The following BANP variants were observed in gnomAD, a reference collection of about 807,000 sequenced individuals.
The protein encoded by BANP is protein BANP.
BANP carries 11 observed loss-of-function variants against 68.1 expected under a neutral mutation model. That is an observed-to-expected ratio of 0.16 (90% CI 0.10 to 0.27). The LOEUF (loss-of-function observed/expected upper bound fraction) is 0.27. BANP is among the 10% of genes least tolerant of loss of function. BANP has a pLI of 1.00. For missense variants in BANP, 504 were observed against 722.7 expected, an observed-to-expected ratio of 0.70 and a Z score of 3.47; for synonymous variants, 329 against 303.2, an observed-to-expected ratio of 1.09 and a Z score of -0.88.
intron 7 of BANP, among the ~76,000 whole-genome samples, chr16:88,019,053 G>C (rs1241082646): frequency 6.6e-6 from 1 of 152,164 alleles, no homozygotes; most frequent in Non-Finnish European, 1.5e-5. Flanking sequence ...TCCTAAGCGG[G>C]TGGAGTGCCA....
chr16:87,975,644 ATGT>A, intron 2 of BANP, among the ~76,000 whole-genome samples: 1 of 143,950 alleles, frequency 6.9e-6, no homozygotes, highest in South Asian at 2.2e-4. Context: ...GATCCTTACC[ATGT>A]TGTGTGTGTA....
chr16:88,049,399 C>G (rs902357650), intron 11 of BANP, among the ~76,000 whole-genome samples: 1 of 152,190 alleles, frequency 6.6e-6, no homozygotes, highest in African/African-American at 2.4e-5. Context: ...CAGGCCTTCC[C>G]TGGGCACCAT....
rs766392523 is a variant in BANP, at chr16:87,981,104, A to G, written c.139A>G (p.Asn47Asp). 1 of 1,614,048 alleles carries G rather than the reference A, an allele frequency of 6.2e-7. No individual in the cohort carries two copies. The highest frequency in any genetic ancestry group is 1.7e-5 in the Admixed American group (1 of 60,026). Residue 47 changes from asparagine to aspartate, a missense_variant, in exon 3 of 14, where the codon AAT becomes GAT. By Grantham distance (23) the Asn-to-Asp change is conservative. Coordinates refer to ENST00000682872, the MANE Select transcript of BANP (RefSeq NM_001386991.1). The part of the protein sequence containing the change: ...PALKRQRLEI[N>D]CQDPSIKSFL... Reference sequence around the variant, plus strand: ...TTTGAAACGCCAGCGACTAGAAATCAATTGCCAGGATCCATCTATAAAGGT... The same window carrying G: ...TTTGAAACGCCAGCGACTAGAAATCGATTGCCAGGATCCATCTATAAAGGT...
Position 88,004,477 on chromosome 16 carries a change from A to G in BANP, c.479+66A>G, listed in dbSNP as rs2070377766. 3 of 932,842 alleles carry G rather than the reference A, an allele frequency of 3.2e-6. No individual in the cohort carries two copies. Among genetic ancestry groups the G allele is most frequent in the African/African-American group, 1.7e-5 (1 of 59,732 alleles). 57.8% of individuals were successfully genotyped at this position (932,842 alleles called of 1,614,324 possible). On this transcript the variant is annotated intron_variant, in intron 5 of 13. Coordinates refer to ENST00000682872, the MANE Select transcript of BANP (RefSeq NM_001386991.1). The surrounding 1 kb of genome is among the most constrained non-coding windows in gnomAD (Gnocchi z 7.0). ...TGCGGAGTCCCATGAGAATAAGTCA[A>G]CGTCCCTAAGCCAGGGCACAGTCCA...
chr16:87,955,039 G>A (rs1165497314), intron 1 of BANP, among the ~76,000 whole-genome samples: 7 of 152,258 alleles, frequency 4.6e-5, no homozygotes, highest in Admixed American at 4.6e-4. Context: ...CCTGGGCAAG[G>A]CCCGGCAGAC....
Position 88,049,118 on chromosome 16 carries a change from C to T in BANP, c.1311+11107C>T, listed in dbSNP as rs11641363. Among the ~76,000 whole-genome samples the T allele has an allele frequency of 2.2e-3, 337 of 152,190 alleles. 1 individual carries two copies. The highest frequency in any genetic ancestry group is 3.4e-3 in the Non-Finnish European group (234 of 68,004). On this transcript the variant is annotated intron_variant, in intron 11 of 13. Transcript: ENST00000682872. ...GGTGTCCTCTAATTCAGTTCTGACA[C>T]GGAGACAGCGTCGGATCCCATGGGT...
intron 6 of BANP, among the ~76,000 whole-genome samples, chr16:88,010,982 G>A (rs554911056): frequency 2.7e-4 from 41 of 152,288 alleles, no homozygotes; most frequent in African/African-American, 8.7e-4. Flanking sequence ...GAGGTAACAG[G>A]AAACATTTTT....
At chr16:87,963,172 G>C (rs1207533038) in intron 1 of BANP, among the ~76,000 whole-genome samples, 2 of 152,120 alleles carry the variant, frequency 1.3e-5, no homozygotes, top group Non-Finnish European at 2.9e-5. Flanking sequence ...GGAGAAGGGC[G>C]CCAGGACGAT....
chr16:87,972,390 A>G (rs2061287435), intron 1 of BANP, among the ~76,000 whole-genome samples: 1 of 148,956 alleles, frequency 6.7e-6, no homozygotes, highest in Non-Finnish European at 1.5e-5. Context: ...TGTTTAATGT[A>G]TTTCAGTTTG....
At chr16:88,006,643 CA>C (rs762203875) in intron 6 of BANP, among the ~76,000 whole-genome samples, 1,262 of 100,134 alleles carry the variant, frequency 0.013, 7 homozygotes, top group Middle Eastern at 0.029. Flanking sequence ...AACTCCATCT[CA>C]AAAAAAAAAA....
intron 1 of BANP, among the ~76,000 whole-genome samples, chr16:87,964,442 GGC>G (rs2059690506): frequency 5.2e-5 from 1 of 19,192 alleles, no homozygotes; most frequent in Non-Finnish European, 1.2e-4. Context: ...GCGTCCAGGA[GGC>G]GTGCAGGAGG....
At position 87,953,319 on chromosome 16, in the gene BANP, G is replaced by T. The variant is rs550393749; in HGVS notation, c.-69+1804G>T. Reference sequence around the variant, plus strand: ...CCTCTCAGCCCCGTTCTTCAAAGAGGTTTACATCTTGAGTGGTTTCTTTAG... The same window carrying T: ...CCTCTCAGCCCCGTTCTTCAAAGAGTTTTACATCTTGAGTGGTTTCTTTAG... On this transcript the variant is annotated intron_variant, in intron 1 of 13. Coordinates refer to ENST00000682872, the MANE Select transcript of BANP (RefSeq NM_001386991.1). 2.6e-5 allele frequency among the ~76,000 whole-genome samples: 4 copies of T among 152,242 alleles called. No individual in the cohort carries two copies. In the East Asian group the frequency reaches 7.7e-4, roughly 29 times the overall value.
At chr16:87,967,788 A>T (rs1425661551) in intron 1 of BANP, among the ~76,000 whole-genome samples, 2 of 151,560 alleles carry the variant, frequency 1.3e-5, no homozygotes, top group African/African-American at 2.4e-5. Context: ...ACGCCCTGCT[A>T]ATTTTTGTAT....
chr16:88,030,777 C>T (rs941026997), intron 8 of BANP, among the ~76,000 whole-genome samples: 17 of 152,204 alleles, frequency 1.1e-4, no homozygotes, highest in African/African-American at 4.1e-4. Context: ...CTCTGGAGCA[C>T]ACCCATTCTT....
intron 4 of BANP, among the ~76,000 whole-genome samples, chr16:87,989,835 G>A (rs1423230204): frequency 5.2e-5 from 6 of 116,228 alleles, no homozygotes; most frequent in South Asian, 2.8e-4. Context: ...GGGTGATGGG[G>A]GATGCAGGCC....
chr16:88,035,263 T>G, intron 9 of BANP, 60 bp from the exon 10 acceptor site: 1 of 1,419,626 alleles, frequency 7.0e-7, no homozygotes, highest in Non-Finnish European at 9.7e-7. Context: ...GGAAGATGTT[T>G]CTTGTTTCCT....
rs2090446197 is a variant in BANP, at chr16:88,071,944, C to G, written c.1378-125C>G. On this transcript the variant is annotated intron_variant, in intron 12 of 13. Transcript: ENST00000682872. The surrounding 1 kb of genome is among the most constrained non-coding windows in gnomAD (Gnocchi z 6.5). ...CAGAGTCCTCGGTGTGGCCCTGAGG[C>G]CGTGTCCCTGCCGCTCAGGGGACAG... The G allele has an allele frequency of 7.8e-6, 10 of 1,287,614 alleles. No individual in the cohort carries two copies. In the Admixed American group the frequency reaches 1.8e-4, roughly 23 times the overall value. 79.8% of individuals were successfully genotyped at this position (1,287,614 alleles called of 1,614,324 possible).
At chr16:88,024,322 C>T (rs943195622) in intron 7 of BANP, among the ~76,000 whole-genome samples, 4 of 152,208 alleles carry the variant, frequency 2.6e-5, no homozygotes, top group African/African-American at 7.2e-5. Context: ...CACATCACTT[C>T]TCCTTTTTCT....
intron 11 of BANP, among the ~76,000 whole-genome samples, chr16:88,061,083 C>G (rs952263379): frequency 1.3e-5 from 2 of 152,188 alleles, no homozygotes; most frequent in East Asian, 3.9e-4. Flanking sequence ...ACTTCCCTTC[C>G]TTCGAGTTTT....
Sources: allele counts gnomAD v4.1 joint callset (sites outside exome capture counted in the v4.1 genomes callset), GRCh38; gene constraint gnomAD v4.1.1; non-coding constraint Gnocchi (gnomAD v3.1); transcripts MANE v1.5; gene names NCBI Gene and HGNC (gene_info 2026-07-23, HGNC 2026-07-21).